TMEM117: variants seen among roughly 807,000 people sequenced by gnomAD.
The protein encoded by TMEM117 is transmembrane protein 117.
A neutral mutation model predicts 52.4 loss-of-function variants in TMEM117; 27 were observed. That is an observed-to-expected ratio of 0.51 (90% confidence interval 0.38 to 0.71). TMEM117 has a LOEUF of 0.71. TMEM117 is among the 30% of genes least tolerant of loss of function. The probability of loss-of-function intolerance (pLI) is 0.00; values close to 1 mark genes in which losing one functional copy is unlikely to be tolerated. For missense variants in TMEM117, 556 were observed against 630.5 expected, an observed-to-expected ratio of 0.88 and a Z score of 1.26; for synonymous variants, 215 against 206.3, an observed-to-expected ratio of 1.04 and a Z score of -0.36.
At chr12:43,963,233 T>C (rs999500150) in intron 3 of TMEM117, among the ~76,000 whole-genome samples, 1 of 151,502 alleles carries the variant, frequency 6.6e-6, no homozygotes, top group Non-Finnish European at 1.5e-5. Flanking sequence ...ACTATATATA[T>C]ATCTCTATGT....
intron 3 of TMEM117, among the ~76,000 whole-genome samples, chr12:44,002,421 G>T (rs890432924): frequency 6.6e-6 from 1 of 152,138 alleles, no homozygotes; most frequent in Non-Finnish European, 1.5e-5. Context: ...TGAAGTGTCT[G>T]CTGCAGCTCT....
At chr12:44,226,487 A>G (rs959028259) in intron 5 of TMEM117, among the ~76,000 whole-genome samples, 1 of 144,792 alleles carries the variant, frequency 6.9e-6, no homozygotes, top group South Asian at 2.2e-4. Flanking sequence ...TAAACTATAA[A>G]TATAAATATA....
At chr12:44,118,419 T>C (rs1217090656) in intron 3 of TMEM117, among the ~76,000 whole-genome samples, 1 of 152,118 alleles carries the variant, frequency 6.6e-6, no homozygotes, top group Non-Finnish European at 1.5e-5. Flanking sequence ...GGAAGTGATA[T>C]TGGAGCTTTA....
At chr12:44,338,513 G>C (rs935208635) in intron 6 of TMEM117, among the ~76,000 whole-genome samples, 1 of 151,740 alleles carries the variant, frequency 6.6e-6, no homozygotes, top group East Asian at 1.9e-4. Context: ...TGGAAAATAG[G>C]CCTGAAAGTA....
chr12:44,189,642 G>T (rs111284788), intron 4 of TMEM117, among the ~76,000 whole-genome samples: 3 of 152,256 alleles, frequency 2.0e-5, no homozygotes, highest in African/African-American at 7.2e-5. Context: ...AGAACTTAAA[G>T]ATCGTTTACG....
intron 5 of TMEM117, among the ~76,000 whole-genome samples, chr12:44,241,790 G>A (rs575120945): frequency 3.3e-5 from 5 of 151,870 alleles, no homozygotes; most frequent in Non-Finnish European, 5.9e-5. Flanking sequence ...TATATCATTG[G>A]CATTATATAC....
chr12:44,185,523 G>A (rs183301075), intron 4 of TMEM117, among the ~76,000 whole-genome samples: 4 of 152,110 alleles, frequency 2.6e-5, no homozygotes, highest in South Asian at 2.1e-4. Context: ...AGCAAAAATC[G>A]TTAGGAAAAG....
chr12:44,095,468 G>A (rs954890836), intron 3 of TMEM117, among the ~76,000 whole-genome samples: 1 of 152,024 alleles, frequency 6.6e-6, no homozygotes, highest in Non-Finnish European at 1.5e-5. Flanking sequence ...GGGACCACTG[G>A]GAAGTAAGTA....
intron 3 of TMEM117, among the ~76,000 whole-genome samples, chr12:44,003,229 G>A (rs533216113): frequency 2.8e-4 from 43 of 152,268 alleles, no homozygotes; most frequent in African/African-American, 9.9e-4. Flanking sequence ...GGAGGAAGAG[G>A]TTTCTTGGGA....
intron 6 of TMEM117, among the ~76,000 whole-genome samples, chr12:44,356,809 C>G (rs1344230797): frequency 2.0e-5 from 3 of 152,110 alleles, no homozygotes; most frequent in Non-Finnish European, 4.4e-5. Flanking sequence ...TTCACCATGT[C>G]TTGTCTGGAC....
intron 4 of TMEM117, among the ~76,000 whole-genome samples, chr12:44,162,137 A>T (rs1164013050): frequency 6.6e-6 from 1 of 152,208 alleles, no homozygotes; most frequent in Non-Finnish European, 1.5e-5. Flanking sequence ...AAAAATAAAG[A>T]TGATGATATA....
intron 3 of TMEM117, among the ~76,000 whole-genome samples, chr12:44,080,319 G>T (rs1947461600): frequency 6.6e-6 from 1 of 152,090 alleles, no homozygotes; most frequent in African/African-American, 2.4e-5. Context: ...GCGACAGCAA[G>T]GAGAAGTGCC....
Position 44,276,055 on chromosome 12 carries a change from T to A in TMEM117, c.609-23525T>A, listed in dbSNP as rs1950507758. Among the ~76,000 whole-genome samples, 5 of 152,164 alleles carry A rather than the reference T, an allele frequency of 3.3e-5. No individual in the cohort carries two copies. In the South Asian group the frequency reaches 1.0e-3, roughly 31 times the overall value. On this transcript the variant is annotated intron_variant, in intron 5 of 7. Transcript: ENST00000266534. ...TGCCTGTATCAAAACATCTTATGTA[T>A]CCCATAAATATATACACCTACTACA...
intron 3 of TMEM117, among the ~76,000 whole-genome samples, chr12:44,024,300 A>T (rs555817619): frequency 1.7e-4 from 26 of 152,074 alleles, no homozygotes; most frequent in Non-Finnish European, 3.1e-4. Context: ...TTGATGGATA[A>T]TGAAGTCATA....
chr12:43,819,274 C>CA, the TMEM117 span, among the ~76,000 whole-genome samples: 7 of 152,274 alleles, frequency 4.6e-5, no homozygotes, highest in Admixed American at 4.6e-4. Flanking sequence ...TGAAGGCCTC[C>CA]ACCGGTCTTC....
At chr12:43,961,281 CAAT>C (rs143067984) in intron 3 of TMEM117, among the ~76,000 whole-genome samples, 99,125 of 151,886 alleles carry the variant, frequency 0.65, 37,012 homozygotes, top group Non-Finnish European at 0.81. Flanking sequence ...TAATTAAAAA[CAAT>C]AAATAATTTG....
chr12:44,175,558 C>T (rs1949106086), intron 4 of TMEM117, among the ~76,000 whole-genome samples: 1 of 152,150 alleles, frequency 6.6e-6, no homozygotes, highest in Non-Finnish European at 1.5e-5. Flanking sequence ...TATACATATT[C>T]AAACGTCTTT....
At chr12:43,909,935 T>C (rs1944466388) in intron 2 of TMEM117, among the ~76,000 whole-genome samples, 1 of 133,424 alleles carries the variant, frequency 7.5e-6, no homozygotes, top group South Asian at 3.0e-4. Context: ...ACTGGTACCA[T>C]TCCTTCTGAA....
At chr12:44,066,536 G>T (rs984774642) in intron 3 of TMEM117, among the ~76,000 whole-genome samples, 1 of 152,140 alleles carries the variant, frequency 6.6e-6, no homozygotes, top group African/African-American at 2.4e-5. Flanking sequence ...AATAAAGCGA[G>T]TCACATGAAT....
Sources: allele counts gnomAD v4.1 joint callset (sites outside exome capture counted in the v4.1 genomes callset), GRCh38; gene constraint gnomAD v4.1.1; transcripts MANE v1.5; gene names NCBI Gene and HGNC (gene_info 2026-07-23, HGNC 2026-07-21).